The following C12orf42 variants were observed in gnomAD, a reference collection of about 807,000 sequenced individuals.
C12orf42 encodes the protein chromosome 12 open reading frame 42, also known as uncharacterized protein C12orf42.
C12orf42 carries 25 observed loss-of-function variants against 21.6 expected under a neutral mutation model. The ratio of observed to expected loss-of-function variants is 1.16; its 90% CI spans 0.84 to 1.62. C12orf42 has a LOEUF of 1.62. C12orf42 is among the 40% of genes most tolerant of loss of function. The pLI, the probability that C12orf42 is intolerant of heterozygous loss-of-function variation, is 0.00. For synonymous variants in C12orf42, 174 were observed against 175.0 expected, an observed-to-expected ratio of 0.99 and a Z score of 0.05; for missense variants, 483 against 459.3, an observed-to-expected ratio of 1.05 and a Z score of -0.47.
At chr12:103,506,355 C>T in the C12orf42 span, among the ~76,000 whole-genome samples, 1 of 143,010 alleles carries the variant, frequency 7.0e-6, no homozygotes. Context: ...AGTGCAGTCA[C>T]TGCGGAGCTA....
the C12orf42 span, among the ~76,000 whole-genome samples, chr12:103,187,155 T>A: frequency 3.7e-4 from 56 of 152,312 alleles, no homozygotes; most frequent in South Asian, 7.7e-3. Context: ...AAGAATGATT[T>A]GTTTTGCCTT....
At chr12:103,169,483 A>T in the C12orf42 span, among the ~76,000 whole-genome samples, 4 of 152,142 alleles carry the variant, frequency 2.6e-5, no homozygotes, top group Non-Finnish European at 4.4e-5. Context: ...CTTTTTACAA[A>T]TTAGTAAATG....
At chr12:103,558,585 T>G in the C12orf42 span, 9 of 152,344 alleles carry the variant, frequency 5.9e-5, 1 homozygote, top group Admixed American at 3.3e-4. Flanking sequence ...ACCCCAAATG[T>G]CATTCTCTAG....
chr12:103,428,531 A>G (rs1950022675), intron 2 of C12orf42, among the ~76,000 whole-genome samples: 1 of 152,214 alleles, frequency 6.6e-6, no homozygotes, highest in Non-Finnish European at 1.5e-5. Context: ...GCCTTATTCT[A>G]CAAGAGGTAC....
intron 4 of C12orf42, among the ~76,000 whole-genome samples, chr12:103,328,957 G>A (rs573483516): frequency 6.6e-6 from 1 of 152,336 alleles, no homozygotes; most frequent in Admixed American, 6.5e-5. Flanking sequence ...GGAATATGAA[G>A]ATAACTAAAG....
At chr12:103,533,091 T>C in the C12orf42 span, among the ~76,000 whole-genome samples, 1 of 152,216 alleles carries the variant, frequency 6.6e-6, no homozygotes, top group Non-Finnish European at 1.5e-5. Flanking sequence ...TCCGGCTGCA[T>C]TTCATAATAC....
the C12orf42 span, among the ~76,000 whole-genome samples, chr12:103,054,994 C>T: frequency 4.0e-5 from 6 of 151,838 alleles, no homozygotes; most frequent in East Asian, 5.8e-4. Context: ...AAGATTTTTG[C>T]GTCTATATTC....
the C12orf42 span, among the ~76,000 whole-genome samples, chr12:103,145,484 T>A: frequency 2.6e-5 from 4 of 152,158 alleles, no homozygotes; most frequent in Non-Finnish European, 4.4e-5. Context: ...TAACAAGTGG[T>A]GGTGAGGGTT....
the C12orf42 span, among the ~76,000 whole-genome samples, chr12:103,155,453 A>T: frequency 6.6e-6 from 1 of 152,160 alleles, no homozygotes; most frequent in Admixed American, 6.6e-5. Flanking sequence ...AGCAGAAAAA[A>T]CAATGGTGAG....
chr12:103,359,829 T>G (rs906265938), intron 4 of C12orf42, among the ~76,000 whole-genome samples: 2 of 151,980 alleles, frequency 1.3e-5, no homozygotes, highest in African/African-American at 2.4e-5. Context: ...GAAACTAGCA[T>G]GGTGCCAGTT....
intron 4 of C12orf42, among the ~76,000 whole-genome samples, chr12:103,365,734 A>AAAAAT (rs1393466490): frequency 6.6e-6 from 1 of 151,964 alleles, no homozygotes; most frequent in Admixed American, 6.6e-5. Flanking sequence ...CAGTAGTTGC[A>AAAAAT]AAAATAAAAT....
At chr12:103,372,560 T>C (rs903030719) in intron 3 of C12orf42, among the ~76,000 whole-genome samples, 3 of 152,108 alleles carry the variant, frequency 2.0e-5, no homozygotes, top group Non-Finnish European at 4.4e-5. Flanking sequence ...CCCTAAAACC[T>C]GCTGGATCAG....
intron 2 of C12orf42, among the ~76,000 whole-genome samples, chr12:103,449,128 T>TAGATAGACAGAC (rs1555203975): frequency 4.8e-4 from 72 of 148,720 alleles, no homozygotes; most frequent in African/African-American, 1.5e-3. Flanking sequence ...GATAGATAGA[T>TAGATAGACAGAC]AGACAGACAC....
chr12:103,353,140 C>T (rs2043239812), intron 4 of C12orf42, among the ~76,000 whole-genome samples: 1 of 152,032 alleles, frequency 6.6e-6, no homozygotes, highest in Non-Finnish European at 1.5e-5. Flanking sequence ...CAAAAGACAC[C>T]TTGAGTTTTC....
At chr12:103,243,032 T>A (rs1296668927) in intron 10 of C12orf42, among the ~76,000 whole-genome samples, 2 of 151,928 alleles carry the variant, frequency 1.3e-5, no homozygotes, top group African/African-American at 4.8e-5. Context: ...TTATGGGAAA[T>A]TTTTTTTAAG....
downstream of C12orf42, among the ~76,000 whole-genome samples, chr12:103,235,284 T>A (rs2033434710): frequency 6.6e-6 from 1 of 152,136 alleles, no homozygotes; most frequent in Non-Finnish European, 1.5e-5. Flanking sequence ...TTAGCTAGAT[T>A]TGTCCCTATT....
chr12:103,388,419 C>T (rs754683105), intron 3 of C12orf42, among the ~76,000 whole-genome samples: 13 of 152,132 alleles, frequency 8.5e-5, no homozygotes, highest in East Asian at 1.9e-4. Flanking sequence ...TGCCCCATGC[C>T]GCTGTTAAGC....
intron 3 of C12orf42, among the ~76,000 whole-genome samples, chr12:103,375,461 C>T (rs943992628): frequency 6.6e-6 from 1 of 152,032 alleles, no homozygotes; most frequent in Non-Finnish European, 1.5e-5. Context: ...AAATGATTTG[C>T]AATCTTAAAG....
chr12:103,466,358 CAG>C (rs1394050369), intron 2 of C12orf42, among the ~76,000 whole-genome samples: 5 of 152,212 alleles, frequency 3.3e-5, no homozygotes, highest in African/African-American at 9.6e-5. Context: ...TGGTGCTCAT[CAG>C]AGTCTCCCAG....
Sources: allele counts gnomAD v4.1 joint callset (sites outside exome capture counted in the v4.1 genomes callset), GRCh38; gene constraint gnomAD v4.1.1; transcripts MANE v1.5; gene names NCBI Gene and HGNC (gene_info 2026-07-23, HGNC 2026-07-21).